Variants in CFTR observed in about 807,000 individuals in gnomAD.
The protein encoded by CFTR is CF transmembrane conductance regulator.
Under a neutral mutation model 171.6 loss-of-function variants are expected in CFTR, and 181 were observed. The observed-to-expected ratio is 1.05, with a 90% confidence interval of 0.93 to 1.19. The LOEUF is 1.19. Ranked by LOEUF, CFTR falls within the 50% of genes most tolerant of loss-of-function variation. The probability of loss-of-function intolerance (pLI) is 0.00; values close to 1 mark genes in which losing one functional copy is unlikely to be tolerated. For synonymous variants in CFTR, 583 were observed against 608.0 expected (o/e 0.96, Z 0.60); for missense variants, 1,968 against 1,734.7 (o/e 1.13, Z -2.39).
chr7:117,567,058 A>G (rs1791613311), intron 11 of CFTR, among the ~76,000 whole-genome samples: 1 of 152,228 alleles, frequency 6.6e-6, no homozygotes, highest in Admixed American at 6.5e-5. Context: ...TAATAAAATT[A>G]AGACACTTAA....
At chr7:117,498,756 A>T (rs1469341689) in intron 1 of CFTR, among the ~76,000 whole-genome samples, 1 of 151,774 alleles carries the variant, frequency 6.6e-6, no homozygotes, top group Non-Finnish European at 1.5e-5. Context: ...GAAGTTTGGG[A>T]TTTATGATCA....
chr7:117,642,635 T>C, intron 23 of CFTR, 42 bp downstream of exon 23: 1 of 1,587,544 alleles, frequency 6.3e-7, no homozygotes, highest in African/African-American at 1.3e-5. Context: ...AACTAAATTA[T>C]ATTTTTTACT....
intron 23 of CFTR, among the ~76,000 whole-genome samples, chr7:117,645,382 C>T (rs1049084830): frequency 1.1e-4 from 16 of 152,154 alleles, no homozygotes; most frequent in Non-Finnish European, 4.4e-5. Flanking sequence ...AAATTACACT[C>T]ATTGTCATAA....
At chr7:117,647,423 T>C (rs214166) in intron 23 of CFTR, 151,580 of 152,284 alleles carry the variant, frequency 1, 75,441 homozygotes, top group Middle Eastern at 1. Context: ...TCAATCATGG[T>C]GGAAGGCAAA....
intron 15 of CFTR, among the ~76,000 whole-genome samples, chr7:117,598,408 C>G (rs1562910131): frequency 6.6e-6 from 1 of 152,116 alleles, no homozygotes; most frequent in Non-Finnish European, 1.5e-5. Flanking sequence ...TAACTGAGAC[C>G]CAAACTTACA....
rs1798957486 is a variant in CFTR at position 117,536,488 on chromosome 7, A to G, written c.744-60A>G. On this transcript the variant is annotated intron_variant, in intron 6 of 26. Coordinates refer to ENST00000003084, the MANE Select transcript of CFTR (RefSeq NM_000492.4). The stretch of plus-strand genomic sequence containing the variant: ...CTTAAAACCTTGAGCAGTTCTTAAT[A>G]GATAATTTGACTTGTTTTTACTATT... The G allele has an allele frequency of 2.0e-6, 3 of 1,493,532 alleles. No homozygotes were observed. In the Admixed American group the frequency reaches 5.9e-5, roughly 29 times the overall value. 92.5% of individuals were successfully genotyped at this position (1,493,532 alleles called of 1,614,324 possible).
chr7:117,559,943 C>T (rs984321478), intron 11 of CFTR, among the ~76,000 whole-genome samples: 10 of 151,950 alleles, frequency 6.6e-5, no homozygotes, highest in Admixed American at 5.2e-4. Context: ...GTGAGACAAA[C>T]GTCCTCAATG....
Position 117,667,806 on chromosome 7 carries a change from C to A in CFTR, c.*698C>A, listed in dbSNP as rs1167202292. On this transcript the variant is annotated 3_prime_UTR_variant, in exon 27 of 27. Coordinates refer to ENST00000003084, the MANE Select transcript of CFTR (RefSeq NM_000492.4). Reference sequence around the variant, plus strand: ...AAAATCTCAATATTTCAGATAATCACAATACATCCCTTACCTGGGAAAGGG... The same window carrying A: ...AAAATCTCAATATTTCAGATAATCAAAATACATCCCTTACCTGGGAAAGGG... 4 of 155,966 alleles carry A rather than the reference C, an allele frequency of 2.6e-5. No homozygotes were observed. Among genetic ancestry groups the A allele is most frequent in the Non-Finnish European group, 5.7e-5 (4 of 70,272 alleles). The allele number at this position is 155,966 out of a possible 1,614,324, so 9.7% of individuals were successfully genotyped here.
In CFTR at chr7:117,515,290, C is replaced by T. The variant is rs925181277; in HGVS notation, c.273+6148C>T. Among the ~76,000 whole-genome samples, 10 of 152,210 alleles carry T rather than the reference C, an allele frequency of 6.6e-5. No individual in the cohort carries two copies. In the South Asian group the frequency reaches 2.1e-3, roughly 32 times the overall value. On this transcript the variant is annotated intron_variant, in intron 3 of 26. Coordinates refer to ENST00000003084, the MANE Select transcript of CFTR (RefSeq NM_000492.4). Reference sequence around the variant, plus strand: ...AGGGTTTTTATAGTTTTGGGTTTTACATTTAAGTCTTTAATACATCTTGAG... The same window carrying T: ...AGGGTTTTTATAGTTTTGGGTTTTATATTTAAGTCTTTAATACATCTTGAG...
chr7:117,498,102 G>A (rs1798267549), intron 1 of CFTR, among the ~76,000 whole-genome samples: 1 of 152,086 alleles, frequency 6.6e-6, no homozygotes. Context: ...TGCCTGTATG[G>A]TTGTAAATCC....
At chr7:117,520,209 T>C (rs568902225) in intron 3 of CFTR, among the ~76,000 whole-genome samples, 22 of 151,654 alleles carry the variant, frequency 1.5e-4, no homozygotes, top group Non-Finnish European at 2.7e-4. Flanking sequence ...TTTCTTGATA[T>C]ATGAGAGAAT....
intron 23 of CFTR, among the ~76,000 whole-genome samples, chr7:117,644,733 T>G (rs560691162): frequency 2.6e-5 from 4 of 152,312 alleles, no homozygotes; most frequent in African/African-American, 9.6e-5. Context: ...TCTTCCCTCC[T>G]GTAGCTAGAC....
Position 117,591,934 on chromosome 7 carries a change from C to T in CFTR, c.1767C>T (p.Ser589=). Residue 589 remains serine (S), a splice_region_variant and synonymous_variant, in exon 14 of 27, where the codon AGC becomes AGT. Coordinates refer to ENST00000003084, the MANE Select transcript of CFTR (RefSeq NM_000492.4). ...DVLTEKEIFE[S]CVCKLMANKT... Reference sequence around the variant, plus strand: ...ATTTATATGTTTTTATATCTTAAAGCTGTGTCTGTAAACTGATGGCTAACA... The same window carrying T: ...ATTTATATGTTTTTATATCTTAAAGTTGTGTCTGTAAACTGATGGCTAACA... 6.4e-7 allele frequency: 1 copy of T among 1,559,368 alleles called. No homozygotes were observed. The highest frequency in any genetic ancestry group is 1.8e-4 in the Middle Eastern group (1 of 5,532).
rs772661286 is a variant in CFTR, at chr7:117,612,023, G to GTATATATATATATA, written c.3367+232_3367+245dup. Among the ~76,000 whole-genome samples the GTATATATATATATA allele has an allele frequency of 2.3e-3, 124 of 53,188 alleles. 5 individuals carry two copies. The highest frequency in any genetic ancestry group is 8.6e-3 in the Middle Eastern group (1 of 116). 34.9% of individuals were successfully genotyped at this position (53,188 alleles called of 152,430 possible). On this transcript the variant is annotated intron_variant, in intron 20 of 26. Coordinates refer to ENST00000003084, the MANE Select transcript of CFTR (RefSeq NM_000492.4). Reference sequence around the variant, plus strand: ...TGAAATCGGATATATATATATATATGTATATATATATATATATATATATAT... The same window carrying GTATATATATATATA: ...TGAAATCGGATATATATATATATATGTATATATATATATATATATATATATATATATATATATAT...
chr7:117,649,316 G>GTA (rs1312189225), intron 23 of CFTR, among the ~76,000 whole-genome samples: 11 of 147,796 alleles, frequency 7.4e-5, no homozygotes, highest in South Asian at 2.1e-4. Context: ...ATGTGTGTGT[G>GTA]TATATATATA....
chr7:117,639,150 G>T (rs1345375333), intron 22 of CFTR, among the ~76,000 whole-genome samples: 1 of 152,134 alleles, frequency 6.6e-6, no homozygotes, highest in Non-Finnish European at 1.5e-5. Flanking sequence ...AAAACACTTT[G>T]TCCATAGCAA....
intron 23 of CFTR, among the ~76,000 whole-genome samples, chr7:117,649,278 ATGTGTGTGTG>A (rs375570103): frequency 2.9e-5 from 4 of 137,376 alleles, no homozygotes; most frequent in Non-Finnish European, 6.3e-5. Flanking sequence ...TATACATGGG[ATGTGTGTGTG>A]TGTGTGTGTG....
chr7:117,642,728 C>G, intron 23 of CFTR, 135 bp downstream of exon 23: 1 of 922,860 alleles, frequency 1.1e-6, no homozygotes, highest in Admixed American at 2.3e-5. Flanking sequence ...TTCTCCAGTG[C>G]AGTTTTCTCA....
rs149399076 is a variant in CFTR, at chr7:117,489,214, G to A, written c.53+9067G>A. 2.1e-3 allele frequency among the ~76,000 whole-genome samples: 314 copies of A among 152,184 alleles called. 1 individual carries two copies. Among genetic ancestry groups the A allele is most frequent in the Non-Finnish European group, 3.1e-3 (209 of 67,968 alleles). ...GGTGTTATGAATGCAGTTTGTCACT[G>A]TAACTCTATTCATAGCTCTGAAAGG... On this transcript the variant is annotated intron_variant, in intron 1 of 26. Coordinates refer to ENST00000003084, the MANE Select transcript of CFTR (RefSeq NM_000492.4).
Sources: gnomAD v4.1 joint callset for allele counts (sites outside exome capture counted in the v4.1 genomes callset) on GRCh38, gnomAD v4.1.1 for gene constraint, MANE v1.5 for transcripts, NCBI Gene and HGNC (gene_info 2026-07-23, HGNC 2026-07-21) for gene names.